ARHGAP42: variants seen among roughly 807,000 people sequenced by gnomAD.
ARHGAP42 encodes the protein rho GTPase-activating protein 42.
Under a neutral mutation model 125.0 loss-of-function variants are expected in ARHGAP42, and 63 were observed. The observed-to-expected ratio is 0.50, with a 90% CI of 0.41 to 0.62. ARHGAP42 has a LOEUF of 0.62. Ranked by LOEUF, ARHGAP42 falls within the 20% of genes least tolerant of loss-of-function variation. The probability of loss-of-function intolerance (pLI) is 0.00; values close to 1 mark genes in which losing one functional copy is unlikely to be tolerated. For missense variants in ARHGAP42, 766 were observed against 1,024.2 expected (o/e 0.75, Z 3.44); for synonymous variants, 339 against 351.0 (o/e 0.97, Z 0.38).
At chr11:100,887,870 G>A (rs1269428074) in intron 4 of ARHGAP42, among the ~76,000 whole-genome samples, 1 of 152,158 alleles carries the variant, frequency 6.6e-6, no homozygotes, top group Non-Finnish European at 1.5e-5. Context: ...TCACTAGGAG[G>A]CAATTCTCAC....
chr11:100,800,133 A>G (rs1565219332), intron 3 of ARHGAP42, among the ~76,000 whole-genome samples: 1 of 152,202 alleles, frequency 6.6e-6, no homozygotes, highest in Non-Finnish European at 1.5e-5. Context: ...ACTGAACTGT[A>G]AACAGTAAGC....
At chr11:100,709,766 A>G (rs1033979722) in intron 1 of ARHGAP42, among the ~76,000 whole-genome samples, 1 of 152,248 alleles carries the variant, frequency 6.6e-6, no homozygotes, top group Non-Finnish European at 1.5e-5. Flanking sequence ...TACAAAATGT[A>G]AGTGAAACCA....
chr11:100,818,123 C>T (rs1306142064), intron 3 of ARHGAP42, among the ~76,000 whole-genome samples: 2 of 152,106 alleles, frequency 1.3e-5, no homozygotes, highest in East Asian at 1.9e-4. Flanking sequence ...GCTGATCTAC[C>T]CATTATTGTG....
intron 2 of ARHGAP42, among the ~76,000 whole-genome samples, chr11:100,794,187 A>C (rs1157168439): frequency 2.3e-4 from 34 of 149,970 alleles, no homozygotes; most frequent in Admixed American, 2.3e-3. Flanking sequence ...ATTCATTTTA[A>C]GCATTAGGTT....
Position 100,898,640 on chromosome 11 carries a change from T to A in ARHGAP42, c.385-14812T>A, listed in dbSNP as rs149862389. On this transcript the variant is annotated intron_variant, in intron 4 of 23. Transcript: ENST00000298815. ...TAGTTTATTTGTGTAGAGGTGTTTA[T>A]AGTATTCTCTGGTGGTAGTTTGTAT... Among the ~76,000 whole-genome samples, 1,443 of 152,334 alleles carry A rather than the reference T, an allele frequency of 9.5e-3. 17 individuals carry two copies. The highest frequency in any genetic ancestry group is 0.033 in the African/African-American group (1,380 of 41,568).
chr11:100,840,773 T>C (rs927551778), intron 3 of ARHGAP42: 3 of 152,224 alleles, frequency 2.0e-5, no homozygotes, highest in Admixed American at 6.5e-5. Context: ...CTTAATAATA[T>C]ATAGAAGTGT....
At chr11:100,904,247 CTTT>C (rs1555021418) in intron 4 of ARHGAP42, among the ~76,000 whole-genome samples, 2 of 143,796 alleles carry the variant, frequency 1.4e-5, no homozygotes, top group Non-Finnish European at 1.5e-5. Context: ...TTTCCTCTCT[CTTT>C]TTTTTTTTTT....
Position 100,895,951 on chromosome 11 carries a change from A to G in ARHGAP42, c.385-17501A>G, listed in dbSNP as rs960360439. On this transcript the variant is annotated intron_variant, in intron 4 of 23. Transcript: ENST00000298815. The stretch of plus-strand genomic sequence containing the variant: ...GGTTTGCTGCACCCATCAACTCGTC[A>G]TTTACATTAGGTATTTCCCCTAATG... Among the ~76,000 whole-genome samples, 9 of 152,168 alleles carry G rather than the reference A, an allele frequency of 5.9e-5. No homozygotes were observed. In the East Asian group the frequency reaches 1.5e-3, roughly 26 times the overall value.
chr11:100,688,129 ATT>A (rs201445134), intron 1 of ARHGAP42, among the ~76,000 whole-genome samples: 2 of 148,246 alleles, frequency 1.3e-5, no homozygotes, highest in African/African-American at 4.9e-5. Context: ...GGGGACTTTA[ATT>A]TTTTTTTTTT....
intron 4 of ARHGAP42, among the ~76,000 whole-genome samples, chr11:100,869,391 T>G (rs921255746): frequency 6.9e-6 from 1 of 144,152 alleles, no homozygotes; most frequent in African/African-American, 2.5e-5. Flanking sequence ...TTTAAAGGAA[T>G]GTAAATCTTT....
At chr11:100,825,775 G>T (rs1350748152) in intron 3 of ARHGAP42, among the ~76,000 whole-genome samples, 2 of 152,174 alleles carry the variant, frequency 1.3e-5, no homozygotes, top group East Asian at 3.9e-4. Flanking sequence ...AGTCCAGCTT[G>T]TGTGGGCATG....
chr11:100,922,650 A>G (rs1867311970), intron 6 of ARHGAP42, among the ~76,000 whole-genome samples: 1 of 152,258 alleles, frequency 6.6e-6, no homozygotes, highest in Admixed American at 6.5e-5. Context: ...AGTGGATATG[A>G]TAAGGAGAGG....
intron 3 of ARHGAP42, among the ~76,000 whole-genome samples, chr11:100,842,765 A>G (rs1240389442): frequency 6.6e-6 from 1 of 152,144 alleles, no homozygotes; most frequent in Non-Finnish European, 1.5e-5. Context: ...AAATTGTTTG[A>G]ACTGAACAAC....
chr11:100,699,808 C>T (rs1591114335), intron 1 of ARHGAP42, among the ~76,000 whole-genome samples: 1 of 152,128 alleles, frequency 6.6e-6, no homozygotes, highest in East Asian at 1.9e-4. Context: ...CAGGCATGAG[C>T]CACCACGCTT....
At chr11:100,815,057 C>G (rs942515780) in intron 3 of ARHGAP42, among the ~76,000 whole-genome samples, 10 of 152,196 alleles carry the variant, frequency 6.6e-5, no homozygotes, top group African/African-American at 2.4e-4. Flanking sequence ...GTGTCCAGTA[C>G]TTTTTCTTTA....
intron 1 of ARHGAP42, among the ~76,000 whole-genome samples, chr11:100,753,684 C>T (rs975061965): frequency 4.6e-5 from 7 of 152,216 alleles, no homozygotes; most frequent in East Asian, 1.9e-4. Context: ...ACTGGAAGTG[C>T]GTGCAAGGCT....
At chr11:100,941,415 G>T (rs1196600498) in intron 8 of ARHGAP42, among the ~76,000 whole-genome samples, 1 of 152,140 alleles carries the variant, frequency 6.6e-6, no homozygotes, top group Non-Finnish European at 1.5e-5. Context: ...ACAGTTATGA[G>T]AGTAAAGTAT....
At chr11:100,782,378 A>G (rs1863335909) in intron 2 of ARHGAP42, among the ~76,000 whole-genome samples, 1 of 152,272 alleles carries the variant, frequency 6.6e-6, no homozygotes, top group Non-Finnish European at 1.5e-5. Context: ...AATAATAAAA[A>G]TATAATTTCA....
intron 4 of ARHGAP42, among the ~76,000 whole-genome samples, chr11:100,880,876 T>G (rs1171959568): frequency 6.6e-6 from 1 of 152,236 alleles, no homozygotes; most frequent in Non-Finnish European, 1.5e-5. Context: ...CATATGTTTG[T>G]TGGCCATTTG....
Sources: allele counts gnomAD v4.1 joint callset (sites outside exome capture counted in the v4.1 genomes callset), GRCh38; gene constraint gnomAD v4.1.1; transcripts MANE v1.5; gene names NCBI Gene and HGNC (gene_info 2026-07-23, HGNC 2026-07-21).